Variants in SLC28A1 observed in about 807,000 individuals in gnomAD.
SLC28A1 encodes solute carrier family 28 member 1, also known as sodium/nucleoside cotransporter 1.
SLC28A1 carries 64 observed loss-of-function variants against 74.8 expected under a neutral mutation model. That is an observed-to-expected ratio of 0.86 (90% confidence interval 0.70 to 1.05). The LOEUF (loss-of-function observed/expected upper bound fraction) is 1.05. SLC28A1 is among the 50% of genes least tolerant of loss of function. SLC28A1 has a pLI of 0.00. For missense variants in SLC28A1, 828 were observed against 822.8 expected, an observed-to-expected ratio of 1.01 and a Z score of -0.08; for synonymous variants, 359 against 335.0, an observed-to-expected ratio of 1.07 and a Z score of -0.78.
chr15:84,914,583 G>C (rs547984986), intron 9 of SLC28A1, among the ~76,000 whole-genome samples: 2 of 152,176 alleles, frequency 1.3e-5, no homozygotes, highest in African/African-American at 4.8e-5. Flanking sequence ...TTGTGAAGTG[G>C]CGACAGTTAC....
chr15:84,963,931 C>T, the SLC28A1 span, among the ~76,000 whole-genome samples: 5 of 152,188 alleles, frequency 3.3e-5, no homozygotes, highest in African/African-American at 9.6e-5. Flanking sequence ...ACTCTCCTTC[C>T]TCTCGGCTCT....
chr15:84,894,813 G>C, intron 5 of SLC28A1, 127 bp from the exon 6 acceptor site: 1 of 881,758 alleles, frequency 1.1e-6, no homozygotes, highest in South Asian at 1.4e-5. Context: ...AACAGGCTCA[G>C]TGAGGTTGGG....
chr15:84,935,482 C>T lies in SLC28A1; in HGVS notation c.1545C>T (p.Ala515=), dbSNP rs753632397. The T allele has an allele frequency of 5.0e-6, 8 of 1,614,072 alleles. No homozygotes were observed. Among genetic ancestry groups the T allele is most frequent in the East Asian group, 2.2e-5 (1 of 44,880 alleles). Residue 515 remains alanine (A), a synonymous_variant, in exon 15 of 19, where the codon GCC becomes GCT. Transcript: ENST00000394573. The part of the protein sequence containing the change: ...SKYKQRRLAG[A]EEWVGDRKQW... ...ACAAGCAACGCCGCCTGGCAGGGGC[C>T]GAGGAGTGGGTCGGCGACAGGAAGC...
the SLC28A1 span, among the ~76,000 whole-genome samples, chr15:84,965,119 A>T: frequency 6.6e-6 from 1 of 152,184 alleles, no homozygotes; most frequent in Non-Finnish European, 1.5e-5. Context: ...GTAATTGAGT[A>T]TTGGGGGTGG....
chr15:84,915,771 G>T (rs74504234), intron 9 of SLC28A1, among the ~76,000 whole-genome samples: 3 of 152,114 alleles, frequency 2.0e-5, no homozygotes, highest in East Asian at 1.9e-4. Context: ...TCTTCTGGCC[G>T]TCCTCCAGCC....
intron 11 of SLC28A1, among the ~76,000 whole-genome samples, chr15:84,922,169 C>G (rs1302832410): frequency 6.6e-6 from 1 of 152,174 alleles, no homozygotes; most frequent in Non-Finnish European, 1.5e-5. Context: ...CCTGCAGGAT[C>G]ACATTAGCCC....
chr15:84,944,963 A>G (rs1391186306), intron 18 of SLC28A1, 96 bp downstream of exon 18: 16 of 1,103,124 alleles, frequency 1.5e-5, no homozygotes, highest in Non-Finnish European at 1.4e-6. Context: ...GGGTGAGGGT[A>G]GAAATGTTAC....
chr15:84,902,394 C>T (rs971182370), intron 6 of SLC28A1, among the ~76,000 whole-genome samples: 4 of 151,894 alleles, frequency 2.6e-5, no homozygotes, highest in Non-Finnish European at 4.4e-5. Context: ...GCAGGAAAAG[C>T]GCTTAAACCC....
chr15:84,904,538 AC>A (rs1417516709), intron 7 of SLC28A1, among the ~76,000 whole-genome samples: 1 of 152,014 alleles, frequency 6.6e-6, no homozygotes, highest in Non-Finnish European at 1.5e-5. Context: ...AACCACCTCC[AC>A]CCCCAACCAC....
At chr15:84,903,436 T>C (rs1966844266) in intron 6 of SLC28A1, among the ~76,000 whole-genome samples, 1 of 152,210 alleles carries the variant, frequency 6.6e-6, no homozygotes, top group Admixed American at 6.5e-5. Flanking sequence ...TCAATGAACG[T>C]TAACTGTCAT....
At chr15:84,962,684 T>A in the SLC28A1 span, among the ~76,000 whole-genome samples, 3 of 151,964 alleles carry the variant, frequency 2.0e-5, no homozygotes, top group Non-Finnish European at 4.4e-5. Context: ...GGATTACAGA[T>A]GTGAGTCACT....
intron 15 of SLC28A1, chr15:84,938,319 T>G (rs1285366028): frequency 3.7e-5 from 1 of 27,014 alleles, no homozygotes; most frequent in African/African-American, 5.5e-4. Flanking sequence ...CCCTTCCTGT[T>G]CTTTTTTTTT....
chr15:84,913,863 A>C (rs1320779055), intron 9 of SLC28A1, among the ~76,000 whole-genome samples: 3 of 149,462 alleles, frequency 2.0e-5, no homozygotes, highest in Non-Finnish European at 3.0e-5. Flanking sequence ...AATTCTGTTG[A>C]GGCCCACTTT....
At chr15:84,906,568 T>TGC (rs1567140569) in intron 8 of SLC28A1, among the ~76,000 whole-genome samples, 12 of 12,514 alleles carry the variant, frequency 9.6e-4, no homozygotes, top group African/African-American at 2.7e-3. Context: ...TTCTTTCTCT[T>TGC]TCTTTCTTCC....
intron 10 of SLC28A1, 48 bp downstream of exon 10, chr15:84,918,652 C>G (rs774154707): frequency 7.2e-7 from 1 of 1,388,936 alleles, no homozygotes; most frequent in African/African-American, 1.4e-5. Flanking sequence ...GTCACCAGCT[C>G]ACAGGGTTCA....
chr15:84,911,694 A>G (rs1445160609), intron 9 of SLC28A1, among the ~76,000 whole-genome samples: 1 of 151,976 alleles, frequency 6.6e-6, no homozygotes. Flanking sequence ...CCCCATCTCT[A>G]CTAAAAATAC....
At position 84,910,960 on chromosome 15, in the gene SLC28A1, C is replaced by T. The variant is rs149289847; in HGVS notation, c.795+2165C>T. ...TGAGCTAGGCAGGAAGAGGAAATGG[C>T]ATGGGCAAAGCATGGAGGTGAGAAT... On this transcript the variant is annotated intron_variant, in intron 9 of 18. Transcript: ENST00000394573. Among the ~76,000 whole-genome samples the T allele has an allele frequency of 4.6e-5, 7 of 152,272 alleles. No individual in the cohort carries two copies. The East Asian group carries it at 1.2e-3, about 25-fold the overall frequency.
chr15:84,942,533 T>C (rs983586639), intron 15 of SLC28A1, among the ~76,000 whole-genome samples: 1 of 152,198 alleles, frequency 6.6e-6, no homozygotes, highest in Non-Finnish European at 1.5e-5. Context: ...GCCTGGTGTT[T>C]CCCATACATT....
At position 84,895,072 on chromosome 15, in the gene SLC28A1, G is replaced by T; in HGVS notation, c.410G>T (p.Arg137Met). ...AAACGGCTTCTGGGGCCAAAGCTGAGGAGGTTTCTCAAGCCTCAGGGCCAT... is the reference window on the plus strand; with the variant it reads ...AAACGGCTTCTGGGGCCAAAGCTGATGAGGTTTCTCAAGCCTCAGGGCCAT... ...LLKRLLGPKLRRFLKPQGHPR... is the reference protein window; with the variant it reads ...LLKRLLGPKLMRFLKPQGHPR... Residue 137 changes from arginine to methionine, a missense_variant, in exon 6 of 19, where the codon AGG (arginine) becomes ATG (methionine). Arg to Met is a moderately conservative substitution (Grantham distance 91). This residue lies in a region of SLC28A1 where 767 missense variants were observed against 753.5 expected (regional missense o/e 1.02). Coordinates refer to ENST00000394573, the MANE Select transcript of SLC28A1 (RefSeq NM_004213.5). The T allele has an allele frequency of 6.3e-7, 1 of 1,599,872 alleles. No homozygotes were observed. The highest frequency in any genetic ancestry group is 8.5e-7 in the Non-Finnish European group (1 of 1,173,422).
Sources: gnomAD v4.1 joint callset for allele counts (sites outside exome capture counted in the v4.1 genomes callset) on GRCh38, gnomAD v4.1.1 for gene constraint, gnomAD v4.1.1 regional missense constraint, MANE v1.5 for transcripts, NCBI Gene and HGNC (gene_info 2026-07-23, HGNC 2026-07-21) for gene names.